Variants in AFAP1 observed in about 807,000 individuals in gnomAD.
AFAP1 encodes actin filament associated protein 1.
AFAP1 carries 75 observed loss-of-function variants against 93.9 expected under a neutral mutation model. The observed-to-expected ratio is 0.80, with a 90% CI of 0.66 to 0.97. The LOEUF is 0.97. Among genes scored for constraint, AFAP1 ranks in the 50% least tolerant of loss-of-function variants. The probability of loss-of-function intolerance (pLI) is 0.00; values close to 1 mark genes in which losing one functional copy is unlikely to be tolerated. For synonymous variants in AFAP1, 517 were observed against 430.7 expected, an observed-to-expected ratio of 1.20 and a Z score of -2.48; for missense variants, 1,201 against 1,050.8, an observed-to-expected ratio of 1.14 and a Z score of -1.98.
At chr4:7,897,164 C>T (rs555073074) in intron 1 of AFAP1, among the ~76,000 whole-genome samples, 1 of 152,246 alleles carries the variant, frequency 6.6e-6, no homozygotes, top group Non-Finnish European at 1.5e-5. Context: ...GTAGGCTGAG[C>T]TCAATCTCAT....
At position 7,892,396 on chromosome 4, in the gene AFAP1, G is replaced by C. The variant is rs960922880; in HGVS notation, c.-2-20316C>G. On this transcript the variant is annotated intron_variant, in intron 1 of 17. Transcript: ENST00000420658. ...CAGCAGGCTCTGCAGAGGAGCAGTG[G>C]GAGGTTCCAGACTGAGAGAGCAGTT... Among the ~76,000 whole-genome samples the C allele has an allele frequency of 2.0e-5, 3 of 152,196 alleles. 1 individual carries two copies. The highest frequency in any genetic ancestry group is 2.9e-5 in the Non-Finnish European group (2 of 68,036).
intron 1 of AFAP1, among the ~76,000 whole-genome samples, chr4:7,916,014 C>G (rs1444204013): frequency 2.0e-5 from 2 of 101,484 alleles, no homozygotes; most frequent in African/African-American, 1.2e-4. Context: ...CCCCGGCCTC[C>G]TCACTTACGC....
intron 6 of AFAP1, among the ~76,000 whole-genome samples, chr4:7,822,871 G>A (rs1471276088): frequency 6.6e-6 from 1 of 151,568 alleles, no homozygotes; most frequent in Admixed American, 6.6e-5. Flanking sequence ...GGGATTACAG[G>A]CGTGAGCCAC....
Position 7,774,839 on chromosome 4 carries a change from T to C in AFAP1, c.1962A>G (p.Lys654=), listed in dbSNP as rs754793929. 14 of 1,614,232 alleles carry C rather than the reference T, an allele frequency of 8.7e-6. No homozygotes were observed. The South Asian group carries it at 1.3e-4, about 15-fold the overall frequency. The part of the protein sequence containing the change: ...VEADAKRLQT[K]EEELLKRKEA... ...CTTTCCTCTTCAGCAGCTCCTCCTC[T>C]TTGGTCTGTAGCCGCTTGGCATCTG... Residue 654 remains lysine (K), a synonymous_variant, in exon 15 of 18, where the codon AAA becomes AAG. Coordinates refer to ENST00000420658, the MANE Select transcript of AFAP1 (RefSeq NM_001134647.2).
At chr4:7,781,291 T>C (rs1174449342) in intron 13 of AFAP1, 85 bp downstream of exon 13, 1 of 1,474,478 alleles carries the variant, frequency 6.8e-7, no homozygotes, top group Admixed American at 2.3e-5. Flanking sequence ...CTTTGATGAG[T>C]CCCATTTACT....
chr4:7,855,374 C>A (rs768197489), intron 4 of AFAP1, 92 bp downstream of exon 4: 283 of 972,982 alleles, frequency 2.9e-4, no homozygotes, highest in Middle Eastern at 2.2e-3. Context: ...TTTATAATAC[C>A]CTGTTGCCCT....
chr4:7,919,459 G>C (rs1274592622), intron 1 of AFAP1, among the ~76,000 whole-genome samples: 1 of 152,076 alleles, frequency 6.6e-6, no homozygotes, highest in Admixed American at 6.6e-5. Flanking sequence ...TCATTAAACA[G>C]GTCCTACACA....
intron 10 of AFAP1, among the ~76,000 whole-genome samples, chr4:7,796,974 C>T (rs1454611000): frequency 2.6e-5 from 4 of 151,498 alleles, no homozygotes; most frequent in Admixed American, 1.3e-4. Context: ...GCAGGAGAAT[C>T]GCTTGAACCT....
chr4:7,863,189 G>C (rs111241038), intron 3 of AFAP1, among the ~76,000 whole-genome samples: 152 of 152,354 alleles, frequency 1.0e-3, no homozygotes, highest in African/African-American at 3.3e-3. Flanking sequence ...GCCGGGGTGT[G>C]TGGACTGCCT....
At chr4:7,792,387 A>G (rs182121589) in intron 11 of AFAP1, among the ~76,000 whole-genome samples, 5 of 152,120 alleles carry the variant, frequency 3.3e-5, no homozygotes, top group African/African-American at 1.2e-4. Context: ...TCTCAGCAGG[A>G]GTCTATGGGT....
At chr4:7,788,956 C>T (rs1479082804) in intron 11 of AFAP1, 1 of 152,366 alleles carries the variant, frequency 6.6e-6, no homozygotes, top group Non-Finnish European at 1.5e-5. Context: ...TGGGGGGCTC[C>T]ACTCCTGCTT....
chr4:7,871,915 T>C, intron 2 of AFAP1, 37 bp downstream of exon 2: 3 of 1,611,098 alleles, frequency 1.9e-6, no homozygotes, highest in South Asian at 1.1e-5. Flanking sequence ...GCCAAGACAC[T>C]GTAAGAAGGA....
chr4:7,890,758 C>T (rs1718425444), intron 1 of AFAP1, among the ~76,000 whole-genome samples: 1 of 152,204 alleles, frequency 6.6e-6, no homozygotes, highest in South Asian at 2.1e-4. Flanking sequence ...GATACATCCA[C>T]CAGAATGATT....
intron 15 of AFAP1, chr4:7,773,373 G>A (rs1715705766): frequency 9.3e-6 from 2 of 215,740 alleles, no homozygotes; most frequent in African/African-American, 2.3e-5. Context: ...CTCCCCTAAC[G>A]CTCCGCCGAT....
intron 8 of AFAP1, among the ~76,000 whole-genome samples, chr4:7,813,339 T>C (rs1251160509): frequency 6.6e-6 from 1 of 152,204 alleles, no homozygotes; most frequent in African/African-American, 2.4e-5. Context: ...GAGCGTCTGC[T>C]ACATGCAAAG....
In AFAP1 at chr4:7,800,742, A is replaced by T. The variant is rs1290734134; in HGVS notation, c.1055-89T>A. 6 of 1,280,558 alleles carry T rather than the reference A, an allele frequency of 4.7e-6. No homozygotes were observed. The East Asian group carries it at 1.4e-4, about 30-fold the overall frequency. The allele number at this position is 1,280,558 out of a possible 1,614,324, so 79.3% of individuals were successfully genotyped here. A position where few individuals can be genotyped will look rare whatever the true frequency, so the allele number is the denominator to read the frequency against. On this transcript the variant is annotated intron_variant, in intron 9 of 17. Coordinates refer to ENST00000420658, the MANE Select transcript of AFAP1 (RefSeq NM_001134647.2). ...AGGGTCACACTGAGGAGGCCCAGGG[A>T]TGGGAGTGTGGATAAAACAAATCCT...
At chr4:7,864,163 A>ACACCTT (rs1560207895) in intron 3 of AFAP1, among the ~76,000 whole-genome samples, 49 of 151,848 alleles carry the variant, frequency 3.2e-4, no homozygotes, top group South Asian at 8.3e-4. Context: ...TCTCATCACA[A>ACACCTT]CCCACAGGTC....
At chr4:7,904,656 A>C (rs1473568095) in intron 1 of AFAP1, among the ~76,000 whole-genome samples, 1 of 152,146 alleles carries the variant, frequency 6.6e-6, no homozygotes, top group East Asian at 1.9e-4. Context: ...ACTTTTCTCC[A>C]AACTTTCAAA....
At position 7,939,301 on chromosome 4, in the gene AFAP1, C is replaced by A; in HGVS notation, c.-3+355G>T. On this transcript the variant is annotated intron_variant, in intron 1 of 17. Transcript: ENST00000420658. The surrounding 1 kb of genome is among the most constrained non-coding windows in gnomAD (Gnocchi z 5.6). ...GCGGAGCCTCCCACTCTTGGTGACC[C>A]GGACCCCGCCCCACGAGTGGGTCTT... The A allele has an allele frequency of 3.2e-6, 1 of 310,272 alleles. No homozygotes were observed. The allele number at this position is 310,272 out of a possible 1,614,324, so 19.2% of individuals were successfully genotyped here.
Sources: gnomAD v4.1 joint callset for allele counts (sites outside exome capture counted in the v4.1 genomes callset) on GRCh38, gnomAD v4.1.1 for gene constraint, Gnocchi (gnomAD v3.1) non-coding constraint, MANE v1.5 for transcripts, NCBI Gene and HGNC (gene_info 2026-07-23, HGNC 2026-07-21) for gene names.